NNMT: variants seen among roughly 807,000 people sequenced by gnomAD.
The protein encoded by NNMT is nicotinamide N-methyltransferase.
Under a neutral mutation model 11.7 loss-of-function variants are expected in NNMT, and 10 were observed. The observed-to-expected ratio is 0.85, with a 90% confidence interval of 0.53 to 1.45. The LOEUF is 1.45. Among genes scored for constraint, NNMT ranks in the 40% most tolerant of loss-of-function variants. NNMT has a pLI of 0.00. For synonymous variants in NNMT, 143 were observed against 133.8 expected (o/e 1.07, Z -0.48); for missense variants, 381 against 319.4 (o/e 1.19, Z -1.47).
Position 114,312,116 on chromosome 11 carries a change from A to T in NNMT, c.434A>T (p.Gln145Leu). 1 of 1,613,036 alleles carries T rather than the reference A, an allele frequency of 6.2e-7. No individual in the cohort carries two copies. The highest frequency in any genetic ancestry group is 8.5e-7 in the Non-Finnish European group (1 of 1,179,226). Reference sequence around the variant, plus strand: ...CAGGTGCTGAAGTGTGATGTGACTCAGAGCCAGCCACTGGGGGCCGTCCCC... The same window carrying T: ...CAGGTGCTGAAGTGTGATGTGACTCTGAGCCAGCCACTGGGGGCCGTCCCC... ...VKQVLKCDVTQSQPLGAVPLP... is the reference protein window; with the variant it reads ...VKQVLKCDVTLSQPLGAVPLP... The change falls in exon 3 of 3, where the codon CAG becomes CTG. Residue 145 changes from glutamine (Q) to leucine (L), a missense_variant. Physicochemically the swap from Gln to Leu is moderately radical, Grantham distance 113. Transcript: ENST00000299964.
At chr11:114,279,721 A>G (rs757143036) in intron 2 of NNMT, among the ~76,000 whole-genome samples, 42 of 152,324 alleles carry the variant, frequency 2.8e-4, no homozygotes, top group Middle Eastern at 3.4e-3. Flanking sequence ...ATCAGACTTC[A>G]CCAATAAGTA....
chr11:114,271,205 G>A (rs1029917956), intron 2 of NNMT, among the ~76,000 whole-genome samples: 2 of 152,182 alleles, frequency 1.3e-5, no homozygotes, highest in African/African-American at 4.8e-5. Flanking sequence ...TAGAGAATGG[G>A]AATAGAAGGG....
In NNMT at chr11:114,313,256, A is replaced by T. The variant is rs1342210037; in HGVS notation, c.*779A>T. ...CGCTTTGGGAGGCTGAGGCAGACAGATTGCTTGAGCTCAGAAGTTCGAGAC... is the reference window on the plus strand; with the variant it reads ...CGCTTTGGGAGGCTGAGGCAGACAGTTTGCTTGAGCTCAGAAGTTCGAGAC... On this transcript the variant is annotated 3_prime_UTR_variant, in exon 3 of 3. Coordinates refer to ENST00000299964, the MANE Select transcript of NNMT (RefSeq NM_006169.3). 1 of 152,180 alleles carries T rather than the reference A, an allele frequency of 6.6e-6. No individual in the cohort carries two copies. The highest frequency in any genetic ancestry group is 1.5e-5 in the Non-Finnish European group (1 of 68,054). 9.4% of individuals were successfully genotyped at this position (152,180 alleles called of 1,614,324 possible).
At chr11:114,300,152 TATATC>T (rs1258976608) in intron 2 of NNMT, among the ~76,000 whole-genome samples, 1 of 152,130 alleles carries the variant, frequency 6.6e-6, no homozygotes, top group African/African-American at 2.4e-5. Context: ...GTTGGAAACT[TATATC>T]ATTTATTTCA....
At chr11:114,268,050 T>C (rs1396088923) in intron 2 of NNMT, among the ~76,000 whole-genome samples, 1 of 152,204 alleles carries the variant, frequency 6.6e-6, no homozygotes, top group Admixed American at 6.5e-5. Context: ...TATTCAGTTA[T>C]GAGATGATGA....
At chr11:114,279,473 A>G (rs1384415315) in intron 2 of NNMT, among the ~76,000 whole-genome samples, 1 of 152,326 alleles carries the variant, frequency 6.6e-6, no homozygotes, top group Middle Eastern at 3.4e-3. Context: ...TAGAGGAAAC[A>G]ACACTGCTAA....
chr11:114,302,131 A>T (rs150945426), intron 2 of NNMT, among the ~76,000 whole-genome samples: 1 of 152,094 alleles, frequency 6.6e-6, no homozygotes, highest in Non-Finnish European at 1.5e-5. Context: ...TGGATTGTTT[A>T]GTCCATTTAC....
At chr11:114,307,755 C>T (rs1169885642) in intron 2 of NNMT, among the ~76,000 whole-genome samples, 2 of 152,042 alleles carry the variant, frequency 1.3e-5, no homozygotes, top group African/African-American at 4.8e-5. Context: ...TTTGCACTTG[C>T]GGTTTCCTCT....
chr11:114,291,982 T>A (rs1410684377), upstream of NNMT, among the ~76,000 whole-genome samples: 1 of 152,220 alleles, frequency 6.6e-6, no homozygotes, highest in Non-Finnish European at 1.5e-5. Context: ...TAAATATTAT[T>A]CTAGTCCATT....
intron 2 of NNMT, among the ~76,000 whole-genome samples, chr11:114,268,248 G>A (rs146911759): frequency 1.1e-3 from 165 of 152,322 alleles, no homozygotes; most frequent in African/African-American, 3.7e-3. Context: ...TCCCTAGTGT[G>A]ACAACTGAAG....
chr11:114,261,309 C>T (rs1945078593), intron 1 of NNMT, among the ~76,000 whole-genome samples: 1 of 152,076 alleles, frequency 6.6e-6, no homozygotes, highest in Non-Finnish European at 1.5e-5. Context: ...GGGCCGGGCG[C>T]GGTGGCTCAC....
chr11:114,277,291 C>T (rs986733204), intron 2 of NNMT, among the ~76,000 whole-genome samples: 6 of 152,068 alleles, frequency 3.9e-5, no homozygotes, highest in African/African-American at 1.4e-4. Flanking sequence ...TACCTATCCC[C>T]AGGGTTATCG....
At chr11:114,292,372 T>C (rs1188704081), upstream of NNMT, among the ~76,000 whole-genome samples, 1 of 152,244 alleles carries the variant, frequency 6.6e-6, no homozygotes, top group Admixed American at 6.5e-5. Flanking sequence ...GTTCACACTT[T>C]TGGTTTGTAT....
chr11:114,282,590 G>A (rs1470898962), intron 2 of NNMT, among the ~76,000 whole-genome samples: 1 of 152,128 alleles, frequency 6.6e-6, no homozygotes, highest in East Asian at 1.9e-4. Flanking sequence ...CCTTGCCTCA[G>A]GCCATGTGAT....
chr11:114,292,274 T>C (rs1310178344), upstream of NNMT, among the ~76,000 whole-genome samples: 4 of 152,246 alleles, frequency 2.6e-5, no homozygotes, highest in Non-Finnish European at 5.9e-5. Context: ...GAAAAGGGTG[T>C]ATCTTGAGAG....
chr11:114,260,182 A>G (rs1945066431), intron 1 of NNMT, among the ~76,000 whole-genome samples: 1 of 152,216 alleles, frequency 6.6e-6, no homozygotes, highest in African/African-American at 2.4e-5. Flanking sequence ...CTCATTTTAC[A>G]GATGGGTAAA....
At chr11:114,272,810 T>A (rs1945181601) in intron 2 of NNMT, among the ~76,000 whole-genome samples, 1 of 152,182 alleles carries the variant, frequency 6.6e-6, no homozygotes, top group Non-Finnish European at 1.5e-5. Context: ...TATCTTTTCA[T>A]GATTAACAGG....
At chr11:114,279,557 T>G (rs985115778) in intron 2 of NNMT, among the ~76,000 whole-genome samples, 3 of 152,070 alleles carry the variant, frequency 2.0e-5, no homozygotes, top group African/African-American at 7.2e-5. Flanking sequence ...AGAGGCTGAG[T>G]GTTAACCCCA....
intron 2 of NNMT, among the ~76,000 whole-genome samples, chr11:114,288,372 A>C (rs1191552850): frequency 1.3e-5 from 2 of 152,050 alleles, no homozygotes; most frequent in East Asian, 3.9e-4. Flanking sequence ...TGATTAAGGA[A>C]GTCTTATTCT....
Sources: gnomAD v4.1 joint callset for allele counts (sites outside exome capture counted in the v4.1 genomes callset) on GRCh38, gnomAD v4.1.1 for gene constraint, MANE v1.5 for transcripts, NCBI Gene and HGNC (gene_info 2026-07-23, HGNC 2026-07-21) for gene names.